Variants in NKAIN3 observed in about 807,000 individuals in gnomAD.
NKAIN3 encodes the protein sodium/potassium-transporting ATPase subunit beta-1-interacting protein 3.
A neutral mutation model predicts 30.2 loss-of-function variants in NKAIN3; 25 were observed. That is an observed-to-expected ratio of 0.83 (90% confidence interval 0.60 to 1.16). The LOEUF (loss-of-function observed/expected upper bound fraction) is 1.16. NKAIN3 is among the 50% of genes most tolerant of loss of function. The probability of loss-of-function intolerance (pLI) is 0.00; values close to 1 mark genes in which losing one functional copy is unlikely to be tolerated. For synonymous variants in NKAIN3, 91 were observed against 89.6 expected (o/e 1.02, Z -0.09); for missense variants, 225 against 254.1 (o/e 0.89, Z 0.78).
intron 4 of NKAIN3, among the ~76,000 whole-genome samples, chr8:62,877,510 C>A (rs1435624641): frequency 6.6e-6 from 1 of 152,156 alleles, no homozygotes; most frequent in Non-Finnish European, 1.5e-5. Flanking sequence ...CATGAGCCTG[C>A]CAGATAATGA....
At chr8:62,516,517 C>T (rs1278127771) in intron 1 of NKAIN3, among the ~76,000 whole-genome samples, 1 of 152,020 alleles carries the variant, frequency 6.6e-6, no homozygotes, top group Admixed American at 6.6e-5. Flanking sequence ...GTGTCACTTT[C>T]AAGTAAGTTT....
intron 1 of NKAIN3, among the ~76,000 whole-genome samples, chr8:62,355,752 C>T (rs990179443): frequency 6.6e-6 from 1 of 152,196 alleles, no homozygotes; most frequent in Non-Finnish European, 1.5e-5. Flanking sequence ...AAATTCTACA[C>T]ATGCATTTGC....
intron 1 of NKAIN3, among the ~76,000 whole-genome samples, chr8:62,347,535 C>A (rs1816041252): frequency 6.6e-6 from 1 of 151,980 alleles, no homozygotes; most frequent in Non-Finnish European, 1.5e-5. Context: ...AAAAAGTAGA[C>A]ATTTCCATGG....
At chr8:62,735,750 C>A (rs773041039) in intron 3 of NKAIN3, among the ~76,000 whole-genome samples, 1 of 152,014 alleles carries the variant, frequency 6.6e-6, no homozygotes, top group Non-Finnish European at 1.5e-5. Flanking sequence ...TTTCTGGTTC[C>A]TTCTTGTTTG....
chr8:62,563,186 T>C (rs1053773853), intron 1 of NKAIN3, among the ~76,000 whole-genome samples: 1 of 152,144 alleles, frequency 6.6e-6, no homozygotes, highest in African/African-American at 2.4e-5. Context: ...GCTTAAGCTA[T>C]TTGTGGACTA....
At chr8:62,361,173 T>C (rs1563364765) in intron 1 of NKAIN3, among the ~76,000 whole-genome samples, 1 of 152,216 alleles carries the variant, frequency 6.6e-6, no homozygotes, top group Non-Finnish European at 1.5e-5. Context: ...TTGTGTTTGT[T>C]TATTTAGTTT....
chr8:62,474,767 A>C (rs1806460896), intron 1 of NKAIN3, among the ~76,000 whole-genome samples: 1 of 152,198 alleles, frequency 6.6e-6, no homozygotes, highest in South Asian at 2.1e-4. Flanking sequence ...AAAAATGCTA[A>C]AAAGAGTTTT....
At chr8:62,708,864 T>C (rs1360046111) in intron 3 of NKAIN3, among the ~76,000 whole-genome samples, 1 of 152,204 alleles carries the variant, frequency 6.6e-6, no homozygotes, top group Admixed American at 6.5e-5. Context: ...GGGTTTGCCA[T>C]AGATGGCTTT....
chr8:62,805,103 A>G (rs1416567138), intron 4 of NKAIN3, among the ~76,000 whole-genome samples: 1 of 152,192 alleles, frequency 6.6e-6, no homozygotes, highest in Non-Finnish European at 1.5e-5. Flanking sequence ...AGGGACGTGA[A>G]GGACCTCTTC....
chr8:62,854,694 C>T (rs1820009448), intron 4 of NKAIN3, among the ~76,000 whole-genome samples: 1 of 152,146 alleles, frequency 6.6e-6, no homozygotes, highest in Non-Finnish European at 1.5e-5. Context: ...AGCTCATTTA[C>T]ATTTAAGGTT....
chr8:62,988,411 C>T (rs1824248066), downstream of NKAIN3, among the ~76,000 whole-genome samples: 1 of 152,268 alleles, frequency 6.6e-6, no homozygotes. Context: ...CTGCAGCACA[C>T]TTCTGCCTGG....
chr8:62,742,613 C>A (rs898204135), intron 3 of NKAIN3, among the ~76,000 whole-genome samples: 1 of 152,168 alleles, frequency 6.6e-6, no homozygotes, highest in Non-Finnish European at 1.5e-5. Context: ...AAAGCAAAGA[C>A]ACCAGTTGTA....
At chr8:62,612,425 A>C (rs1357274278) in intron 3 of NKAIN3, among the ~76,000 whole-genome samples, 1 of 152,016 alleles carries the variant, frequency 6.6e-6, no homozygotes, top group Non-Finnish European at 1.5e-5. Flanking sequence ...TGATATAAGT[A>C]TAATGACTCC....
rs1490402538 is a variant in NKAIN3 at position 62,806,649 on chromosome 8, T to C, written c.471+59520T>C. Among the ~76,000 whole-genome samples, 4 of 152,100 alleles carry C rather than the reference T, an allele frequency of 2.6e-5. No individual in the cohort carries two copies. The East Asian group carries it at 5.8e-4, about 22-fold the overall frequency. ...AATGAGAACATCACACTCTGGGTACTGTTGTGGGGTCGCGGGAGTGGGGAG... is the reference window on the plus strand; with the variant it reads ...AATGAGAACATCACACTCTGGGTACCGTTGTGGGGTCGCGGGAGTGGGGAG... On this transcript the variant is annotated intron_variant, in intron 4 of 6. Transcript: ENST00000623646.
intron 1 of NKAIN3, among the ~76,000 whole-genome samples, chr8:62,257,671 A>G (rs1042630405): frequency 2.6e-5 from 4 of 152,224 alleles, no homozygotes; most frequent in African/African-American, 9.6e-5. Context: ...TATTTCATGA[A>G]CAACACATAT....
chr8:62,527,383 T>G lies in NKAIN3; in HGVS notation c.55-52156T>G, dbSNP rs76277024. 6.2e-3 allele frequency among the ~76,000 whole-genome samples: 948 copies of G among 152,320 alleles called. 6 individuals are homozygous for G. Among genetic ancestry groups the G allele is most frequent in the Non-Finnish European group, 0.01 (698 of 68,034 alleles). On this transcript the variant is annotated intron_variant, in intron 1 of 6. Transcript: ENST00000623646. ...ATATTTATTTAACATTAAATGGAAT[T>G]TGAGGCTAACCAAACCTTCTTCCTT...
rs139194729 is a variant in NKAIN3, at chr8:62,707,287, A to G, written c.274-39645A>G. On this transcript the variant is annotated intron_variant, in intron 3 of 6. Coordinates refer to ENST00000623646, the MANE Select transcript of NKAIN3 (RefSeq NM_001304533.3). ...TAAAATGGTAGTTCTACTTTTAGTTATTTAAGGAATCTCCACACTGTTTTC... is the reference window on the plus strand; with the variant it reads ...TAAAATGGTAGTTCTACTTTTAGTTGTTTAAGGAATCTCCACACTGTTTTC... Among the ~76,000 whole-genome samples, 642 of 152,104 alleles carry G rather than the reference A, an allele frequency of 4.2e-3. 1 individual carries two copies. The highest frequency in any genetic ancestry group is 0.015 in the African/African-American group (604 of 41,524).
intron 1 of NKAIN3, among the ~76,000 whole-genome samples, chr8:62,256,681 C>T (rs1414448726): frequency 6.6e-6 from 1 of 152,174 alleles, no homozygotes; most frequent in Non-Finnish European, 1.5e-5. Flanking sequence ...GGTTCAGAGC[C>T]TGGTCTGGAG....
intron 3 of NKAIN3, among the ~76,000 whole-genome samples, chr8:62,647,292 C>T (rs1292933531): frequency 6.6e-6 from 1 of 152,112 alleles, no homozygotes; most frequent in African/African-American, 2.4e-5. Context: ...AGTAAATGTT[C>T]TGGGACTCCA....
Sources: gnomAD v4.1 joint callset for allele counts (sites outside exome capture counted in the v4.1 genomes callset) on GRCh38, gnomAD v4.1.1 for gene constraint, MANE v1.5 for transcripts, NCBI Gene and HGNC (gene_info 2026-07-23, HGNC 2026-07-21) for gene names.